VWC2L: variants seen among roughly 807,000 people sequenced by gnomAD.
VWC2L encodes von Willebrand factor C domain containing 2 like, also known as von Willebrand factor C domain-containing protein 2-like.
In VWC2L, 10 loss-of-function variants were observed where a neutral mutation model predicts 21.6. The ratio of observed to expected loss-of-function variants is 0.46; its 90% CI spans 0.29 to 0.78. The LOEUF (loss-of-function observed/expected upper bound fraction) is 0.78. Ranked by LOEUF, VWC2L falls within the 30% of genes least tolerant of loss-of-function variation. The pLI is 0.10. For missense variants in VWC2L, 209 were observed against 277.1 expected, an observed-to-expected ratio of 0.75 and a Z score of 1.74; for synonymous variants, 96 against 94.3, an observed-to-expected ratio of 1.02 and a Z score of -0.10.
chr2:214,522,486 ATGGGGTACAGGAGACAT>A (rs978717995), intron 3 of VWC2L, among the ~76,000 whole-genome samples: 3 of 150,212 alleles, frequency 2.0e-5, no homozygotes, highest in African/African-American at 4.9e-5. Flanking sequence ...GTCTATATTT[ATGGGGTACAGGAGACAT>A]TGGGGTACAG....
At chr2:214,513,988 G>A (rs1689099425) in intron 3 of VWC2L, among the ~76,000 whole-genome samples, 1 of 152,108 alleles carries the variant, frequency 6.6e-6, no homozygotes, top group African/African-American at 2.4e-5. Context: ...GGAGATGACA[G>A]CAGGATGTTG....
chr2:214,425,299 A>G (rs1378594934), intron 2 of VWC2L, among the ~76,000 whole-genome samples: 5 of 152,174 alleles, frequency 3.3e-5, no homozygotes, highest in African/African-American at 1.2e-4. Flanking sequence ...CTCTTTAATC[A>G]GTGCGTGGTC....
Position 214,414,600 on chromosome 2 carries a change from A to G in VWC2L, c.390+17A>G, listed in dbSNP as rs377733082. The G allele has an allele frequency of 1.3e-6, 2 of 1,599,874 alleles. No individual in the cohort carries two copies. The highest frequency in any genetic ancestry group is 1.4e-5 in the African/African-American group (1 of 73,648). On this transcript the variant is annotated intron_variant, in intron 2 of 3. Transcript: ENST00000312504. ...GAATTTAAGGTATGCGTTACCCTCC[A>G]TATTTATTGAAATATCAACTTTTCA... is the stretch of plus-strand genomic sequence containing the variant.
chr2:214,453,865 C>T (rs748392458), intron 3 of VWC2L, among the ~76,000 whole-genome samples: 21 of 151,876 alleles, frequency 1.4e-4, no homozygotes, highest in Non-Finnish European at 2.4e-4. Flanking sequence ...AGATTACAGG[C>T]GTGTGCTGCC....
intron 3 of VWC2L, among the ~76,000 whole-genome samples, chr2:214,465,347 A>G (rs1703200258): frequency 1.3e-5 from 2 of 152,096 alleles, no homozygotes; most frequent in Admixed American, 6.5e-5. Context: ...TGGTCAGCAT[A>G]TGATGGATTC....
chr2:214,572,730 C>T (rs1690170802), intron 3 of VWC2L, among the ~76,000 whole-genome samples: 1 of 152,176 alleles, frequency 6.6e-6, no homozygotes, highest in South Asian at 2.1e-4. Flanking sequence ...AGACTATTAA[C>T]AGCAAACTTG....
intron 3 of VWC2L, among the ~76,000 whole-genome samples, chr2:214,516,976 T>C (rs1049828883): frequency 3.3e-5 from 5 of 152,260 alleles, no homozygotes; most frequent in Non-Finnish European, 7.3e-5. Flanking sequence ...AATTTTGCCC[T>C]AGCAATTCTT....
chr2:214,466,636 T>G (rs182101230), intron 3 of VWC2L, among the ~76,000 whole-genome samples: 1 of 152,334 alleles, frequency 6.6e-6, no homozygotes, highest in East Asian at 1.9e-4. Flanking sequence ...ATATTCTGTT[T>G]TCTATGTTTT....
chr2:214,574,486 G>A (rs1045194477), intron 3 of VWC2L, among the ~76,000 whole-genome samples: 1 of 152,156 alleles, frequency 6.6e-6, no homozygotes, highest in African/African-American at 2.4e-5. Flanking sequence ...CATAGCCCCA[G>A]ATTTCATTTA....
In VWC2L at chr2:214,560,466, T is replaced by C. The variant is rs560948577; in HGVS notation, c.521-15206T>C. ...TCCCTGAGTGAGAACATGACTTCCA[T>C]TGTGGTGTGTTATGCATATCAAGCA... On this transcript the variant is annotated intron_variant, in intron 3 of 3. Coordinates refer to ENST00000312504, the MANE Select transcript of VWC2L (RefSeq NM_001080500.4). Among the ~76,000 whole-genome samples, 14 of 152,300 alleles carry C rather than the reference T, an allele frequency of 9.2e-5. No homozygotes were observed. The East Asian group carries it at 2.7e-3, about 29-fold the overall frequency.
chr2:214,567,575 C>CAGAGAGAGAGAGAGAG (rs1451478991), intron 3 of VWC2L, among the ~76,000 whole-genome samples: 6 of 127,786 alleles, frequency 4.7e-5, no homozygotes, highest in African/African-American at 1.6e-4. Context: ...CACACACACA[C>CAGAGAGAGAGAGAGAG]ACACACACAC....
At chr2:214,469,024 A>G (rs1703265054) in intron 3 of VWC2L, among the ~76,000 whole-genome samples, 1 of 152,180 alleles carries the variant, frequency 6.6e-6, no homozygotes, top group South Asian at 2.1e-4. Context: ...TATTATAAAT[A>G]AGCACATAAA....
At chr2:214,480,634 A>G (rs917716641) in intron 3 of VWC2L, among the ~76,000 whole-genome samples, 2 of 152,102 alleles carry the variant, frequency 1.3e-5, no homozygotes, top group African/African-American at 4.8e-5. Flanking sequence ...TCCACTAGAC[A>G]TGGTTTTCAT....
In VWC2L at chr2:214,575,754, C is replaced by T. The variant is rs780329626; in HGVS notation, c.603C>T (p.His201=). The change falls in exon 4 of 4, where the codon CAC becomes CAT. Residue 201 remains histidine, a synonymous_variant. Coordinates refer to ENST00000312504, the MANE Select transcript of VWC2L (RefSeq NM_001080500.4). ...KVDECNICHC[H]NGDWWKPAQC... ...ACGAATGTAACATCTGTCATTGTCA[C>T]AACGGGGACTGGTGGAAGCCTGCTC... The T allele has an allele frequency of 6.2e-7, 1 of 1,613,446 alleles. No individual in the cohort carries two copies. Among genetic ancestry groups the T allele is most frequent in the Admixed American group, 1.7e-5 (1 of 59,964 alleles).
intron 2 of VWC2L, among the ~76,000 whole-genome samples, chr2:214,428,989 T>C (rs1702564052): frequency 6.6e-6 from 1 of 152,186 alleles, no homozygotes; most frequent in African/African-American, 2.4e-5. Flanking sequence ...TTCTCTTTTC[T>C]GTTATCACTT....
At chr2:214,461,694 A>G (rs73072784) in intron 3 of VWC2L, among the ~76,000 whole-genome samples, 26,868 of 152,108 alleles carry the variant, frequency 0.18, 2,926 homozygotes, top group African/African-American at 0.29. Context: ...TCTGTCCTCA[A>G]GCTCCCTAGT....
At chr2:214,419,834 T>C (rs1702409331) in intron 2 of VWC2L, among the ~76,000 whole-genome samples, 2 of 152,182 alleles carry the variant, frequency 1.3e-5, no homozygotes, top group Non-Finnish European at 1.5e-5. Context: ...ATACTTAATA[T>C]TTAAATCTCA....
At chr2:214,470,785 T>A (rs78924548) in intron 3 of VWC2L, among the ~76,000 whole-genome samples, 24,823 of 151,650 alleles carry the variant, frequency 0.16, 2,149 homozygotes, top group East Asian at 0.26. Context: ...TATTGGCACA[T>A]GCCTGTAATC....
intron 3 of VWC2L, among the ~76,000 whole-genome samples, chr2:214,447,065 C>T (rs542951351): frequency 1.1e-4 from 16 of 152,198 alleles, no homozygotes; most frequent in African/African-American, 3.1e-4. Context: ...AATAAACTAC[C>T]TCTGTGAAGT....
Sources: allele counts gnomAD v4.1 joint callset (sites outside exome capture counted in the v4.1 genomes callset), GRCh38; gene constraint gnomAD v4.1.1; transcripts MANE v1.5; gene names NCBI Gene and HGNC (gene_info 2026-07-23, HGNC 2026-07-21).